Variants in RBMS3 observed in about 807,000 individuals in gnomAD.
RBMS3 encodes RNA-binding motif, single-stranded-interacting protein 3.
In RBMS3, 27 loss-of-function variants were observed where a neutral mutation model predicts 66.8. That is an observed-to-expected ratio of 0.40 (90% CI 0.30 to 0.56). The LOEUF is 0.56. Ranked by LOEUF, RBMS3 falls within the 20% of genes least tolerant of loss-of-function variation. RBMS3 has a pLI of 0.40. For synonymous variants in RBMS3, 188 were observed against 183.0 expected, an observed-to-expected ratio of 1.03 and a Z score of -0.22; for missense variants, 513 against 549.5, an observed-to-expected ratio of 0.93 and a Z score of 0.66.
intron 1 of RBMS3, among the ~76,000 whole-genome samples, chr3:29,371,771 T>C (rs938299637): frequency 6.6e-6 from 1 of 152,182 alleles, no homozygotes; most frequent in African/African-American, 2.4e-5. Flanking sequence ...ATAGATATGA[T>C]ACTCTGGAGG....
At chr3:29,544,641 C>G (rs913247732) in intron 3 of RBMS3, among the ~76,000 whole-genome samples, 1 of 151,304 alleles carries the variant, frequency 6.6e-6, no homozygotes, top group African/African-American at 2.4e-5. Context: ...CCTCTAATTG[C>G]TAGGAGTCCC....
At chr3:29,648,553 G>A (rs1248521815) in intron 4 of RBMS3, among the ~76,000 whole-genome samples, 1 of 151,980 alleles carries the variant, frequency 6.6e-6, no homozygotes. Context: ...GATTACAGAC[G>A]TGAGCCACCA....
At chr3:29,600,619 T>C (rs2048110895) in intron 4 of RBMS3, among the ~76,000 whole-genome samples, 1 of 152,104 alleles carries the variant, frequency 6.6e-6, no homozygotes, top group Non-Finnish European at 1.5e-5. Context: ...CACACTCAGT[T>C]GTAGCATGAG....
At position 29,949,580 on chromosome 3, in the gene RBMS3, C is replaced by T. The variant is rs77745138; in HGVS notation, c.1098+5326C>T. On this transcript the variant is annotated intron_variant, in intron 12 of 14. Coordinates refer to ENST00000383767, the MANE Select transcript of RBMS3 (RefSeq NM_001003793.3). ...TCTGAAGTGACCTTCCCTTAAAATT[C>T]GCATTTTTGAGCTTTTTTATTTCAT... Among the ~76,000 whole-genome samples the T allele has an allele frequency of 2.0e-3, 299 of 151,656 alleles. 6 individuals carry two copies. The East Asian group carries it at 0.033, about 17-fold the overall frequency.
rs116347284 is a variant in RBMS3, at chr3:29,806,371, A to G, written c.637+43382A>G. Among the ~76,000 whole-genome samples the G allele has an allele frequency of 4.3e-3, 655 of 152,132 alleles. 7 individuals carry two copies. The highest frequency in any genetic ancestry group is 0.015 in the African/African-American group (622 of 41,568). The stretch of plus-strand genomic sequence containing the variant: ...TGATTGTCTAAGCCAATGAAAACAC[A>G]GACACAGGTAGCCTGATCTGATAAT... On this transcript the variant is annotated intron_variant, in intron 6 of 14. Coordinates refer to ENST00000383767, the MANE Select transcript of RBMS3 (RefSeq NM_001003793.3).
chr3:29,664,458 A>G (rs976220769), intron 4 of RBMS3, among the ~76,000 whole-genome samples: 33 of 152,116 alleles, frequency 2.2e-4, no homozygotes, highest in South Asian at 4.2e-4. Context: ...ACTGCACTCC[A>G]TCCTAGAGAC....
intron 1 of RBMS3, among the ~76,000 whole-genome samples, chr3:29,395,114 C>G (rs1047486864): frequency 1.3e-5 from 2 of 152,164 alleles, no homozygotes; most frequent in African/African-American, 4.8e-5. Context: ...AATTCATGAT[C>G]TGTTCAAATC....
chr3:29,684,233 T>G (rs1180959008), intron 4 of RBMS3, among the ~76,000 whole-genome samples: 1 of 152,154 alleles, frequency 6.6e-6, no homozygotes, highest in Non-Finnish European at 1.5e-5. Context: ...AAAAATAAAA[T>G]AAACACAGTC....
chr3:29,564,757 T>C (rs2046682698), intron 3 of RBMS3, among the ~76,000 whole-genome samples: 1 of 152,166 alleles, frequency 6.6e-6, no homozygotes, highest in Non-Finnish European at 1.5e-5. Context: ...AATATTTCCC[T>C]CCAGCTGTAC....
chr3:29,536,855 G>A (rs886299303), intron 3 of RBMS3, among the ~76,000 whole-genome samples: 6 of 152,186 alleles, frequency 3.9e-5, no homozygotes, highest in African/African-American at 1.4e-4. Flanking sequence ...AAGTGATATT[G>A]TAAAATATGA....
chr3:29,352,242 A>C (rs1487494887), intron 1 of RBMS3, among the ~76,000 whole-genome samples: 1 of 152,074 alleles, frequency 6.6e-6, no homozygotes, highest in Non-Finnish European at 1.5e-5. Context: ...TTTTGCAAAC[A>C]TACACTAATT....
intron 2 of RBMS3, among the ~76,000 whole-genome samples, chr3:29,463,666 G>C (rs2042445079): frequency 6.6e-6 from 1 of 151,258 alleles, no homozygotes; most frequent in African/African-American, 2.4e-5. Flanking sequence ...AAAGAGAGAG[G>C]GCTCTATAGC....
chr3:29,408,653 T>A (rs910939054), intron 1 of RBMS3, among the ~76,000 whole-genome samples: 1 of 152,196 alleles, frequency 6.6e-6, no homozygotes, highest in Non-Finnish European at 1.5e-5. Context: ...ATATATATTT[T>A]CTTTCTAAAT....
intron 4 of RBMS3, among the ~76,000 whole-genome samples, chr3:29,696,081 T>C (rs1443753830): frequency 1.3e-5 from 2 of 152,154 alleles, no homozygotes; most frequent in African/African-American, 4.8e-5. Context: ...CTCCATGTCT[T>C]CTGTTAACTC....
intron 3 of RBMS3, among the ~76,000 whole-genome samples, chr3:29,511,234 T>A (rs1452440056): frequency 6.6e-6 from 1 of 152,106 alleles, no homozygotes; most frequent in East Asian, 1.9e-4. Context: ...GAGCAGAGGT[T>A]ACAGTGAGCT....
At chr3:29,586,667 T>A (rs968078298) in intron 3 of RBMS3, among the ~76,000 whole-genome samples, 1 of 152,170 alleles carries the variant, frequency 6.6e-6, no homozygotes, top group Non-Finnish European at 1.5e-5. Flanking sequence ...CAAGCACTAC[T>A]GCAGTTGCTG....
chr3:29,424,353 T>C (rs960617970), intron 1 of RBMS3, among the ~76,000 whole-genome samples: 5 of 152,204 alleles, frequency 3.3e-5, no homozygotes, highest in African/African-American at 9.7e-5. Context: ...TTTCCCGGTT[T>C]GTAAGATAAA....
intron 1 of RBMS3, among the ~76,000 whole-genome samples, chr3:29,362,517 T>C (rs898197869): frequency 2.0e-5 from 3 of 152,184 alleles, no homozygotes; most frequent in Admixed American, 2.0e-4. Context: ...GAGGAGGCAG[T>C]CTGCCCATTG....
intron 6 of RBMS3, among the ~76,000 whole-genome samples, chr3:29,847,998 T>C (rs1269291298): frequency 6.6e-6 from 1 of 152,170 alleles, no homozygotes; most frequent in East Asian, 1.9e-4. Flanking sequence ...TCTTTCCCCT[T>C]TGTATTTTGT....
Sources: allele counts gnomAD v4.1 joint callset (sites outside exome capture counted in the v4.1 genomes callset), GRCh38; gene constraint gnomAD v4.1.1; transcripts MANE v1.5; gene names NCBI Gene and HGNC (gene_info 2026-07-23, HGNC 2026-07-21).